The following CTSC variants were observed in gnomAD, a reference collection of about 807,000 sequenced individuals.
CTSC encodes cathepsin C, also known as dipeptidyl peptidase 1.
A neutral mutation model predicts 40.9 loss-of-function variants in CTSC; 37 were observed. The ratio of observed to expected loss-of-function variants is 0.91; its 90% CI spans 0.70 to 1.19. The LOEUF (loss-of-function observed/expected upper bound fraction) is 1.19. Ranked by LOEUF, CTSC falls within the 50% of genes most tolerant of loss-of-function variation. The pLI, the probability that CTSC is intolerant of heterozygous loss-of-function variation, is 0.00. For synonymous variants in CTSC, 232 were observed against 207.4 expected, an observed-to-expected ratio of 1.12 and a Z score of -1.02; for missense variants, 594 against 567.3, an observed-to-expected ratio of 1.05 and a Z score of -0.48.
intron 4 of CTSC, among the ~76,000 whole-genome samples, chr11:88,301,269 C>T (rs1025398023): frequency 6.6e-6 from 1 of 152,132 alleles, no homozygotes. Context: ...CCACAACCCC[C>T]AGGAGTAACA....
chr11:88,335,098 A>G lies in CTSC; in HGVS notation c.173-16T>C. ...TCTTGTGGTCCTAAAGAAAAAAAAAAAAAGCACAATAAAGGAAAATTATTT... is the reference window on the plus strand; with the variant it reads ...TCTTGTGGTCCTAAAGAAAAAAAAAGAAAGCACAATAAAGGAAAATTATTT... On this transcript the variant is annotated splice_polypyrimidine_tract_variant and intron_variant, in intron 1 of 6. Coordinates refer to ENST00000227266, the MANE Select transcript of CTSC (RefSeq NM_001814.6). 6.4e-7 allele frequency: 1 copy of G among 1,563,202 alleles called. No homozygotes were observed. Among genetic ancestry groups the G allele is most frequent in the Non-Finnish European group, 8.8e-7 (1 of 1,140,288 alleles).
chr11:88,300,742 C>T (rs1944350804), intron 4 of CTSC, 97 bp from the exon 5 acceptor site: 1 of 806,790 alleles, frequency 1.2e-6, no homozygotes, highest in East Asian at 2.6e-5. Context: ...AGCTACCAGA[C>T]TAGCTAGGAT....
intron 2 of CTSC, chr11:88,327,806 A>T: frequency 2.6e-6 from 1 of 390,588 alleles, no homozygotes; most frequent in Admixed American, 3.9e-5. Context: ...ACTTGAGTCA[A>T]CCTTTTTTTT....
chr11:88,315,870 T>C (rs1269744956), intron 2 of CTSC, among the ~76,000 whole-genome samples: 1 of 152,184 alleles, frequency 6.6e-6, no homozygotes, highest in Non-Finnish European at 1.5e-5. Context: ...CCTATATTAT[T>C]TGAGCCTCAC....
rs377512795 is a variant in CTSC at position 88,337,509 on chromosome 11, G to C, written c.164C>G (p.Ser55Trp). 4.4e-6 allele frequency: 7 copies of C among 1,573,442 alleles called. No individual in the cohort carries two copies. Among genetic ancestry groups the C allele is most frequent in the East Asian group, 2.4e-5 (1 of 42,458 alleles). ...CCGAGCCGGCGGCTTACCCATAACC[G>C]AGCAGTTGACATCGCGCTGGGAACC... is the stretch of plus-strand genomic sequence containing the variant. ...SSGSQRDVNC[S>W]VMGPQEKKVV... Residue 55 changes from serine to tryptophan, a missense_variant, in exon 1 of 7, where the codon TCG becomes TGG. Transcript: ENST00000227266.
At chr11:88,320,536 C>A (rs1230119971) in intron 2 of CTSC, among the ~76,000 whole-genome samples, 1 of 152,342 alleles carries the variant, frequency 6.6e-6, no homozygotes. Context: ...TGGGGAACCC[C>A]TGCAGTCAGA....
At chr11:88,301,827 C>CAT (rs1305260504) in intron 4 of CTSC, among the ~76,000 whole-genome samples, 1 of 151,736 alleles carries the variant, frequency 6.6e-6, no homozygotes, top group East Asian at 1.9e-4. Context: ...CACACACACA[C>CAT]ACACACACAG....
intron 2 of CTSC, among the ~76,000 whole-genome samples, chr11:88,319,585 C>A (rs1360129445): frequency 1.3e-5 from 2 of 152,026 alleles, no homozygotes; most frequent in African/African-American, 4.8e-5. Context: ...GCAACAAAAT[C>A]ATAATAATGA....
At chr11:88,307,612 GA>G (rs1222301140) in intron 4 of CTSC, among the ~76,000 whole-genome samples, 2 of 132,598 alleles carry the variant, frequency 1.5e-5, no homozygotes, top group African/African-American at 5.7e-5. Context: ...AGGATTTTGA[GA>G]TTTTTTTTTA....
intron 2 of CTSC, chr11:88,326,088 T>C: frequency 8.2e-7 from 1 of 1,225,548 alleles, no homozygotes; most frequent in South Asian, 3.1e-5. Context: ...GAACAACGTG[T>C]TGTATATTGT....
intron 2 of CTSC, among the ~76,000 whole-genome samples, chr11:88,316,032 A>C (rs1208936790): frequency 6.6e-6 from 1 of 152,076 alleles, no homozygotes; most frequent in Non-Finnish European, 1.5e-5. Context: ...GGTGCAGAGA[A>C]TTAACTGACT....
At chr11:88,336,388 T>C (rs1434534524) in intron 1 of CTSC, among the ~76,000 whole-genome samples, 1 of 151,012 alleles carries the variant, frequency 6.6e-6, no homozygotes, top group Non-Finnish European at 1.5e-5. Flanking sequence ...AAATACAAAA[T>C]ATTAGCCGGG....
rs547719643 is a variant in CTSC, at chr11:88,309,039, C to T, written c.641+124G>A. ...TAGGAGATAAAGATCGTTAACAGAT[C>T]ACATAAAAAGTTACAACTGGGATGA... On this transcript the variant is annotated intron_variant, in intron 4 of 6. Coordinates refer to ENST00000227266, the MANE Select transcript of CTSC (RefSeq NM_001814.6). 4 of 786,772 alleles carry T rather than the reference C, an allele frequency of 5.1e-6. No homozygotes were observed. In the East Asian group the frequency reaches 1.1e-4, roughly 21 times the overall value. 48.7% of individuals were successfully genotyped at this position (786,772 alleles called of 1,614,324 possible). A position where few individuals can be genotyped will look rare whatever the true frequency, so the allele number is the denominator to read the frequency against.
At chr11:88,313,222 A>T (rs80305371) in intron 2 of CTSC, among the ~76,000 whole-genome samples, 1 of 152,138 alleles carries the variant, frequency 6.6e-6, no homozygotes, top group South Asian at 2.1e-4. Context: ...GGTGCTTACC[A>T]CCACGCCTGG....
In CTSC at chr11:88,335,779, A is replaced by G. The variant is rs184653294; in HGVS notation, c.173-697T>C. 3.8e-3 allele frequency among the ~76,000 whole-genome samples: 585 copies of G among 152,348 alleles called. 1 individual carries two copies. The highest frequency in any genetic ancestry group is 0.01 in the South Asian group (50 of 4,824). Reference sequence around the variant, plus strand: ...AGTGGGAAATGCAAGAATAAAAGGTATGACAACAAAAAGATAAATAAACAG... The same window carrying G: ...AGTGGGAAATGCAAGAATAAAAGGTGTGACAACAAAAAGATAAATAAACAG... On this transcript the variant is annotated intron_variant, in intron 1 of 6. Coordinates refer to ENST00000227266, the MANE Select transcript of CTSC (RefSeq NM_001814.6).
At chr11:88,298,693 G>T (rs1230280569) in intron 5 of CTSC, 2 of 152,058 alleles carry the variant, frequency 1.3e-5, no homozygotes, top group Non-Finnish European at 2.9e-5. Context: ...TGTAGATGAG[G>T]GATCAATTCA....
chr11:88,300,545 G>T lies in CTSC; in HGVS notation c.742C>A (p.Pro248Thr). 1 of 1,607,244 alleles carries T rather than the reference G, an allele frequency of 6.2e-7. No homozygotes were observed. Among genetic ancestry groups the T allele is most frequent in the Non-Finnish European group, 8.5e-7 (1 of 1,173,774 alleles). The change falls in exon 5 of 7, where the codon CCT (proline) becomes ACT (threonine). Residue 248 changes from proline (P) to threonine (T), a missense_variant. Transcript: ENST00000227266. ...ATTTTTTTACCTTGGTTTCGAACAGGACTGACAAAATTGATACCATGAACA... is the reference window on the plus strand; with the variant it reads ...ATTTTTTTACCTTGGTTTCGAACAGTACTGACAAAATTGATACCATGAACA... ...RNVHGINFVS[P>T]VRNQASCGSC...
At chr11:88,326,469 A>G (rs1565262708) in intron 2 of CTSC, 2 of 1,419,006 alleles carry the variant, frequency 1.4e-6, no homozygotes, top group East Asian at 4.6e-5. Context: ...AACTAGGGTT[A>G]CAAGCCAACA....
chr11:88,334,876 C>G (rs1938447339), intron 2 of CTSC, 61 bp downstream of exon 2: 1 of 1,252,078 alleles, frequency 8.0e-7, no homozygotes, highest in Non-Finnish European at 1.2e-6. Flanking sequence ...GTCTACTAAT[C>G]AGAAGAGGTT....
Sources: allele counts gnomAD v4.1 joint callset (sites outside exome capture counted in the v4.1 genomes callset), GRCh38; gene constraint gnomAD v4.1.1; transcripts MANE v1.5; gene names NCBI Gene and HGNC (gene_info 2026-07-23, HGNC 2026-07-21).